Variants in CADPS observed in about 807,000 individuals in gnomAD.
The protein encoded by CADPS is calcium dependent secretion activator, also known as calcium-dependent secretion activator 1.
CADPS carries 57 observed loss-of-function variants against 167.3 expected under a neutral mutation model. The observed-to-expected ratio is 0.34, with a 90% CI of 0.28 to 0.42. The LOEUF (loss-of-function observed/expected upper bound fraction) is 0.42, where lower values mean the gene tolerates loss of function less well. Ranked by LOEUF, CADPS falls within the 20% of genes least tolerant of loss-of-function variation. CADPS has a pLI of 1.00. For missense variants in CADPS, 1,414 were observed against 1,738.1 expected, an observed-to-expected ratio of 0.81 and a Z score of 3.32; for synonymous variants, 676 against 635.3, an observed-to-expected ratio of 1.06 and a Z score of -0.96.
chr3:62,450,842 G>T lies in CADPS; in HGVS notation c.3637-5045C>A, dbSNP rs1015887872. On this transcript the variant is annotated intron_variant, in intron 26 of 29. Coordinates refer to ENST00000383710, the MANE Select transcript of CADPS (RefSeq NM_003716.4). ...TCTGCCTCAACAACCTTTTGAGGGG[G>T]ATCCTATTAATATTCCCATTTTACA... Among the ~76,000 whole-genome samples, 7 of 152,106 alleles carry T rather than the reference G, an allele frequency of 4.6e-5. No individual in the cohort carries two copies. In the South Asian group the frequency reaches 1.5e-3, roughly 32 times the overall value.
In CADPS at chr3:62,601,228, A is replaced by G. The variant is rs79535168; in HGVS notation, c.1326-8480T>C. 0.036 allele frequency among the ~76,000 whole-genome samples: 5,507 copies of G among 152,262 alleles called. 497 individuals are homozygous for G. The East Asian group carries it at 0.38, about 11-fold the overall frequency. Reference sequence around the variant, plus strand: ...TTTGCAACACATGAATATTATATGAAATTCAAATTTTGATGCCCATCAATA... The same window carrying G: ...TTTGCAACACATGAATATTATATGAGATTCAAATTTTGATGCCCATCAATA... On this transcript the variant is annotated intron_variant, in intron 6 of 29. Coordinates refer to ENST00000383710, the MANE Select transcript of CADPS (RefSeq NM_003716.4). The surrounding 1 kb of genome is among the most constrained non-coding windows in gnomAD (Gnocchi z 4.3).
At chr3:62,674,872 G>A (rs1032688615) in intron 3 of CADPS, among the ~76,000 whole-genome samples, 1 of 151,950 alleles carries the variant, frequency 6.6e-6, no homozygotes, top group South Asian at 2.1e-4. Flanking sequence ...GTGAAGCTGA[G>A]GTCCATAATC....
At chr3:62,707,721 A>G (rs4688139) in intron 3 of CADPS, among the ~76,000 whole-genome samples, 106,128 of 152,042 alleles carry the variant, frequency 0.7, 37,566 homozygotes, top group East Asian at 0.86. Context: ...AAAACACAAT[A>G]TAAAATTTCT....
At chr3:62,825,173 A>G (rs1228492991) in intron 1 of CADPS, among the ~76,000 whole-genome samples, 2 of 152,138 alleles carry the variant, frequency 1.3e-5, no homozygotes, top group Non-Finnish European at 2.9e-5. Context: ...AGTTTCTAGA[A>G]AGTCAGAGAA....
chr3:62,758,571 C>T (rs1575962393), intron 2 of CADPS, among the ~76,000 whole-genome samples: 1 of 152,206 alleles, frequency 6.6e-6, no homozygotes, highest in African/African-American at 2.4e-5. Context: ...AACAACTATT[C>T]AAACTCAATT....
intron 6 of CADPS, 61 bp downstream of exon 6, chr3:62,645,661 C>A (rs1579507368): frequency 6.3e-7 from 1 of 1,591,084 alleles, no homozygotes; most frequent in East Asian, 2.2e-5. Context: ...TTGGAGTTGG[C>A]CAAAATGGAA....
chr3:62,826,711 T>C (rs1163563130), intron 1 of CADPS, among the ~76,000 whole-genome samples: 1 of 152,102 alleles, frequency 6.6e-6, no homozygotes, highest in Non-Finnish European at 1.5e-5. Context: ...CACTGGAACA[T>C]AACGCTCTTA....
intron 7 of CADPS, among the ~76,000 whole-genome samples, chr3:62,588,886 AAG>A (rs2085275593): frequency 1.3e-5 from 2 of 152,120 alleles, no homozygotes; most frequent in African/African-American, 4.8e-5. Context: ...CTTTTTTTAA[AAG>A]AGGGGGAATA....
chr3:62,783,046 C>T (rs2091933598), intron 1 of CADPS, among the ~76,000 whole-genome samples: 1 of 152,168 alleles, frequency 6.6e-6, no homozygotes, highest in African/African-American at 2.4e-5. Context: ...AGGCGTGAGC[C>T]ATTGCACCTG....
chr3:62,866,634 G>A (rs142654171), intron 1 of CADPS, among the ~76,000 whole-genome samples: 11 of 152,016 alleles, frequency 7.2e-5, no homozygotes, highest in African/African-American at 1.9e-4. Flanking sequence ...AGAGTGAATC[G>A]CATGAAGAAA....
intron 13 of CADPS, chr3:62,530,914 G>A (rs907387074): frequency 3.9e-6 from 2 of 512,746 alleles, no homozygotes; most frequent in South Asian, 6.9e-5. Flanking sequence ...AGAAAAAGAA[G>A]GGTGCATGAA....
In CADPS at chr3:62,485,771, C is replaced by T. The variant is rs180881517; in HGVS notation, c.3027-3902G>A. Reference sequence around the variant, plus strand: ...CCTGTTATAGGTGTTAGGGAGGCAGCGATGATCAAATGTGTATATGTGTCT... The same window carrying T: ...CCTGTTATAGGTGTTAGGGAGGCAGTGATGATCAAATGTGTATATGTGTCT... On this transcript the variant is annotated intron_variant, in intron 21 of 29. Transcript: ENST00000383710. Among the ~76,000 whole-genome samples, 269 of 152,204 alleles carry T rather than the reference C, an allele frequency of 1.8e-3. 2 individuals are homozygous for T. Among genetic ancestry groups the T allele is most frequent in the Non-Finnish European group, 8.8e-4 (60 of 68,016 alleles).
chr3:62,473,307 C>A (rs1007215947), intron 24 of CADPS, among the ~76,000 whole-genome samples: 1 of 152,054 alleles, frequency 6.6e-6, no homozygotes, highest in African/African-American at 2.4e-5. Context: ...ATACCACCAA[C>A]CCACATTTAA....
rs188787499 is a variant in CADPS, at chr3:62,740,120, G to A, written c.888+13321C>T. 5.1e-4 allele frequency among the ~76,000 whole-genome samples: 78 copies of A among 152,304 alleles called. 1 individual carries two copies. The highest frequency in any genetic ancestry group is 1.6e-4 in the Non-Finnish European group (11 of 68,038). The stretch of plus-strand genomic sequence containing the variant: ...GCATGGCTGTAGGTTTTAGACTATG[G>A]GTTGCTTCGGAGTTGGCTTAGCTGG... On this transcript the variant is annotated intron_variant, in intron 3 of 29. Coordinates refer to ENST00000383710, the MANE Select transcript of CADPS (RefSeq NM_003716.4).
rs752372264 is a variant in CADPS, at chr3:62,557,391, G to C, written c.1753+14C>G. 3 of 1,589,228 alleles carry C rather than the reference G, an allele frequency of 1.9e-6. No homozygotes were observed. Among genetic ancestry groups the C allele is most frequent in the South Asian group, 1.1e-5 (1 of 90,666 alleles). Reference sequence around the variant, plus strand: ...AGGGTTTGTGGGCTCGTGGCCTTGAGGGTCGGTGGGTACCTGGCTGGGGGT... The same window carrying C: ...AGGGTTTGTGGGCTCGTGGCCTTGACGGTCGGTGGGTACCTGGCTGGGGGT... On this transcript the variant is annotated intron_variant, in intron 10 of 29. Coordinates refer to ENST00000383710, the MANE Select transcript of CADPS (RefSeq NM_003716.4).
intron 3 of CADPS, among the ~76,000 whole-genome samples, chr3:62,708,617 C>T (rs919796706): frequency 1.3e-4 from 20 of 151,986 alleles, no homozygotes; most frequent in Admixed American, 4.6e-4. Context: ...GGGTAAAACA[C>T]GAAGATGGGC....
chr3:62,530,914 G>T, intron 13 of CADPS: 1 of 512,748 alleles, frequency 2.0e-6, no homozygotes, highest in Non-Finnish European at 2.5e-6. Context: ...AGAAAAAGAA[G>T]GGTGCATGAA....
At chr3:62,814,399 C>G (rs904793083) in intron 1 of CADPS, 8 of 152,112 alleles carry the variant, frequency 5.3e-5, no homozygotes, top group Non-Finnish European at 8.8e-5. Flanking sequence ...CTCACTTGGG[C>G]AGCACATATA....
chr3:62,628,493 C>G (rs914154477), intron 6 of CADPS, among the ~76,000 whole-genome samples: 19 of 151,976 alleles, frequency 1.3e-4, no homozygotes, highest in Non-Finnish European at 2.6e-4. Flanking sequence ...AATTAATAAC[C>G]TGCTCTTTTG....
Sources: gnomAD v4.1 joint callset for allele counts (sites outside exome capture counted in the v4.1 genomes callset) on GRCh38, gnomAD v4.1.1 for gene constraint, Gnocchi (gnomAD v3.1) non-coding constraint, MANE v1.5 for transcripts, NCBI Gene and HGNC (gene_info 2026-07-23, HGNC 2026-07-21) for gene names.